Variants in ATP6V1E2 observed in about 807,000 individuals in gnomAD.
ATP6V1E2 encodes the protein ATPase H+ transporting V1 subunit E2.
For synonymous variants in ATP6V1E2, 121 were observed against 104.2 expected (o/e 1.16, Z -0.98); for missense variants, 308 against 273.3 (o/e 1.13, Z -0.90).
At chr2:46,527,327 T>C (rs1473059214) in intron 4 of ATP6V1E2, among the ~76,000 whole-genome samples, 2 of 152,168 alleles carry the variant, frequency 1.3e-5, no homozygotes, top group Admixed American at 6.5e-5. Context: ...GTTCACGCCA[T>C]TCTCCTGCCT....
intron 4 of ATP6V1E2, among the ~76,000 whole-genome samples, chr2:46,522,727 A>G (rs531947117): frequency 3.3e-5 from 5 of 152,194 alleles, no homozygotes; most frequent in Non-Finnish European, 7.3e-5. Context: ...TTATAGTAGA[A>G]TGATTTATAA....
At chr2:46,534,125 T>A (rs6710489) in intron 4 of ATP6V1E2, among the ~76,000 whole-genome samples, 40,531 of 152,138 alleles carry the variant, frequency 0.27, 6,103 homozygotes, top group East Asian at 0.7. Context: ...TTCATGAAAT[T>A]TGGGACTTGT....
At position 46,512,309 on chromosome 2, in the gene ATP6V1E2, G is replaced by C; in HGVS notation, c.403C>G (p.Arg135Gly). The C allele has an allele frequency of 6.2e-7, 1 of 1,611,976 alleles. No homozygotes were observed. The highest frequency in any genetic ancestry group is 8.5e-7 in the Non-Finnish European group (1 of 1,178,686). Reference sequence around the variant, plus strand: ...AGGAGGAGGTCTTGTGGCCGGCAGCGTACAATCATCACAGGTTCCAGCAGT... The same window carrying C: ...AGGAGGAGGTCTTGTGGCCGGCAGCCTACAATCATCACAGGTTCCAGCAGT... The part of the protein sequence containing the change: ...LRLLEPVMIV[R>G]CRPQDLLLVE... Residue 135 changes from arginine to glycine, a missense_variant, in exon 5 of 5, where the codon CGC (arginine) becomes GGC (glycine). Physicochemically the swap from Arg to Gly is moderately radical, Grantham distance 125. Coordinates refer to ENST00000522587, the MANE Select transcript of ATP6V1E2 (RefSeq NM_001318063.2).
chr2:46,525,410 C>T (rs1022121660), intron 4 of ATP6V1E2, among the ~76,000 whole-genome samples: 2 of 145,674 alleles, frequency 1.4e-5, no homozygotes, highest in African/African-American at 5.1e-5. Context: ...TGCAGTGAGC[C>T]GAGATCGCGC....
chr2:46,520,849 G>C (rs1039208250), intron 4 of ATP6V1E2, among the ~76,000 whole-genome samples: 3 of 152,098 alleles, frequency 2.0e-5, no homozygotes, highest in Admixed American at 6.5e-5. Flanking sequence ...GGATGGAAGG[G>C]AGGCTTTTTT....
intron 4 of ATP6V1E2, among the ~76,000 whole-genome samples, chr2:46,518,490 A>ACCACACACACACACAC (rs1471974728): frequency 7.1e-6 from 1 of 140,912 alleles, no homozygotes; most frequent in African/African-American, 2.6e-5. Flanking sequence ...ACACACACAC[A>ACCACACACACACACAC]ACACACACAC....
chr2:46,512,510 T>G lies in ATP6V1E2; in HGVS notation c.202A>C (p.Lys68Gln). 6.2e-7 allele frequency: 1 copy of G among 1,614,234 alleles called. No individual in the cohort carries two copies. Among genetic ancestry groups the G allele is most frequent in the Non-Finnish European group, 8.5e-7 (1 of 1,180,044 alleles). ...EKKEKQIEQQ[K>Q]KILMSTMRNQ... ...CTCATGGTGGACATCAGGATTTTCT[T>G]CTGCTGCTCTATCTGCTTCTCCTTT... is the stretch of plus-strand genomic sequence containing the variant. The change falls in exon 5 of 5, where the codon AAG (lysine) becomes CAG (glutamine). Residue 68 changes from lysine (K) to glutamine (Q), a missense_variant. Transcript: ENST00000522587.
intron 4 of ATP6V1E2, chr2:46,527,931 G>C (rs1667003682): frequency 6.6e-6 from 1 of 152,128 alleles, no homozygotes; most frequent in Non-Finnish European, 1.5e-5. Context: ...CTGTGGTCCT[G>C]AGCACTCACC....
chr2:46,526,512 C>T (rs1666929163), intron 4 of ATP6V1E2, among the ~76,000 whole-genome samples: 1 of 152,182 alleles, frequency 6.6e-6, no homozygotes, highest in Non-Finnish European at 1.5e-5. Flanking sequence ...CAAATTTAAA[C>T]TCTGTATCCA....
At chr2:46,513,640 A>G (rs1442112252) in intron 4 of ATP6V1E2, among the ~76,000 whole-genome samples, 2 of 152,116 alleles carry the variant, frequency 1.3e-5, no homozygotes, top group Non-Finnish European at 1.5e-5. Flanking sequence ...CCTGGCCAAC[A>G]TGGTGAAACC....
At chr2:46,516,928 G>C (rs890030693) in intron 4 of ATP6V1E2, among the ~76,000 whole-genome samples, 1 of 152,140 alleles carries the variant, frequency 6.6e-6, no homozygotes, top group Non-Finnish European at 1.5e-5. Context: ...CACAGATTCT[G>C]TGCAATCCCT....
In ATP6V1E2 at chr2:46,512,170, A is replaced by C. The variant is rs1558652450; in HGVS notation, c.542T>G (p.Val181Gly). The change falls in exon 5 of 5, where the codon GTG becomes GGG. Residue 181 changes from valine (V) to glycine (G), a missense_variant. Transcript: ENST00000522587. ...TCTCTGATTGCCACTGTAGACCTCC[A>C]CACCTCCAGCTGCATTCACAGCCAG... is the stretch of plus-strand genomic sequence containing the variant. Reference protein sequence around the residue: ...AYLAVNAAGGVEVYSGNQRIK... With the variant: ...AYLAVNAAGGGEVYSGNQRIK... 1 of 1,614,168 alleles carries C rather than the reference A, an allele frequency of 6.2e-7. No homozygotes were observed. Among genetic ancestry groups the C allele is most frequent in the Admixed American group, 1.7e-5 (1 of 60,024 alleles).
At chr2:46,532,740 G>A (rs567991391) in intron 4 of ATP6V1E2, among the ~76,000 whole-genome samples, 1 of 152,298 alleles carries the variant, frequency 6.6e-6, no homozygotes, top group African/African-American at 2.4e-5. Flanking sequence ...CTTGGAAGCA[G>A]AGCGTGAGCC....
rs765807911 is a variant in ATP6V1E2, at chr2:46,512,612, C to T, written c.100G>A (p.Ala34Thr). 6 of 1,614,056 alleles carry T rather than the reference C, an allele frequency of 3.7e-6. No homozygotes were observed. The highest frequency in any genetic ancestry group is 5.1e-6 in the Non-Finnish European group (6 of 1,180,030). Residue 34 changes from alanine (A) to threonine (T), a missense_variant, in exon 5 of 5, where the codon GCT (alanine) becomes ACT (threonine). By Grantham distance (58) the Ala-to-Thr change is moderately conservative (BLOSUM62 0). Coordinates refer to ENST00000522587, the MANE Select transcript of ATP6V1E2 (RefSeq NM_001318063.2). ...NEKAEEIDAK[A>T]EEEFNIEKGR... ...TTCTCAATGTTAAACTCTTCCTCAG[C>T]CTTGGCATCGATTTCCTCTGCTTTC...
rs139364351 is a variant in ATP6V1E2 at position 46,525,915 on chromosome 2, C to G, written c.-102+9898G>C. ...CAGTTTCTCCAAAAAAAAAAAAAAG[C>G]CCTTCATTTCCATCCCTGTCTAAAG... On this transcript the variant is annotated intron_variant, in intron 4 of 4. Coordinates refer to ENST00000522587, the MANE Select transcript of ATP6V1E2 (RefSeq NM_001318063.2). Among the ~76,000 whole-genome samples, 438 of 149,072 alleles carry G rather than the reference C, an allele frequency of 2.9e-3. 1 individual carries two copies. The highest frequency in any genetic ancestry group is 0.021 in the Middle Eastern group (6 of 284).
chr2:46,523,507 GC>G (rs1283434363), intron 4 of ATP6V1E2, among the ~76,000 whole-genome samples: 2 of 152,148 alleles, frequency 1.3e-5, no homozygotes, highest in African/African-American at 4.8e-5. Context: ...TTTCCCCATT[GC>G]TTGTTTTTGT....
intron 4 of ATP6V1E2, among the ~76,000 whole-genome samples, chr2:46,531,729 T>A (rs1667190594): frequency 1.3e-5 from 2 of 152,226 alleles, no homozygotes; most frequent in African/African-American, 4.8e-5. Flanking sequence ...TCCTAGTGGG[T>A]GTAAAGGGGT....
chr2:46,531,716 C>A (rs1667189659), intron 4 of ATP6V1E2, among the ~76,000 whole-genome samples: 1 of 152,168 alleles, frequency 6.6e-6, no homozygotes, highest in Non-Finnish European at 1.5e-5. Flanking sequence ...CTAATTATAG[C>A]CATCCTAGTG....
chr2:46,525,750 T>G (rs892412210), intron 4 of ATP6V1E2, among the ~76,000 whole-genome samples: 2 of 152,180 alleles, frequency 1.3e-5, no homozygotes, highest in Admixed American at 6.5e-5. Flanking sequence ...GAAGAAACCT[T>G]TCTCCCAAAA....
Sources: gnomAD v4.1 joint callset for allele counts (sites outside exome capture counted in the v4.1 genomes callset) on GRCh38, gnomAD v4.1.1 for gene constraint, MANE v1.5 for transcripts, NCBI Gene and HGNC (gene_info 2026-07-23, HGNC 2026-07-21) for gene names.